Variants in KIF5C observed in about 807,000 individuals in gnomAD.
KIF5C encodes the protein kinesin family member 5C, also known as kinesin heavy chain isoform 5C.
A neutral mutation model predicts 125.2 loss-of-function variants in KIF5C; 18 were observed. That is an observed-to-expected ratio of 0.14 (90% CI 0.10 to 0.21). The LOEUF is 0.21. Ranked by LOEUF, KIF5C falls within the 10% of genes least tolerant of loss-of-function variation. The pLI is 1.00. For synonymous variants in KIF5C, 405 were observed against 434.0 expected (o/e 0.93, Z 0.83); for missense variants, 780 against 1,183.8 (o/e 0.66, Z 5.01).
intron 12 of KIF5C, among the ~76,000 whole-genome samples, chr2:148,978,622 T>C (rs1396429959): frequency 1.3e-5 from 2 of 152,208 alleles, no homozygotes; most frequent in Non-Finnish European, 2.9e-5. Context: ...GAGGGATATC[T>C]CTAACGTCCC....
At chr2:148,986,829 A>G (rs1321922046) in intron 15 of KIF5C, among the ~76,000 whole-genome samples, 3 of 152,172 alleles carry the variant, frequency 2.0e-5, no homozygotes, top group Non-Finnish European at 2.9e-5. Context: ...CCCCAGCTCA[A>G]TCATGTCTTG....
intron 1 of KIF5C, among the ~76,000 whole-genome samples, chr2:148,919,683 C>T (rs1376592099): frequency 1.3e-5 from 2 of 152,298 alleles, no homozygotes; most frequent in Middle Eastern, 3.4e-3. Context: ...GCTGGTACAG[C>T]TATGCCCCAA....
chr2:148,973,386 C>G lies in KIF5C; in HGVS notation c.1168C>G (p.Leu390Val). 1 of 1,613,770 alleles carries G rather than the reference C, an allele frequency of 6.2e-7. No homozygotes were observed. Among genetic ancestry groups the G allele is most frequent in the South Asian group, 1.1e-5 (1 of 91,058 alleles). ...GATCAGTGCCAAGGACCAGAAGAACCTGGAGCCTTGTGATAACACCCCCAT... is the reference window on the plus strand; with the variant it reads ...GATCAGTGCCAAGGACCAGAAGAACGTGGAGCCTTGTGATAACACCCCCAT... ...EQISAKDQKN[L>V]EPCDNTPIID... is the part of the protein sequence containing the mutation. Residue 390 changes from leucine (L) to valine (V), a missense_variant, in exon 12 of 26, where the codon CTG becomes GTG. Coordinates refer to ENST00000435030, the MANE Select transcript of KIF5C (RefSeq NM_004522.3).
chr2:148,921,917 T>A (rs1482525834), intron 1 of KIF5C, among the ~76,000 whole-genome samples: 1 of 150,360 alleles, frequency 6.7e-6, no homozygotes, highest in Non-Finnish European at 1.5e-5. Context: ...TCAATTTAAA[T>A]TTTTTTAAAA....
intron 10 of KIF5C, among the ~76,000 whole-genome samples, chr2:148,960,046 C>T (rs1358703180): frequency 6.6e-6 from 1 of 152,232 alleles, no homozygotes; most frequent in African/African-American, 2.4e-5. Context: ...TTGTTAAGCA[C>T]TCTTCAAATC....
intron 8 of KIF5C, among the ~76,000 whole-genome samples, chr2:148,949,393 A>T (rs1335502271): frequency 6.6e-6 from 1 of 152,156 alleles, no homozygotes; most frequent in Non-Finnish European, 1.5e-5. Flanking sequence ...CATCTGCCTG[A>T]ACTTGGAGCC....
chr2:148,913,753 G>A (rs551854832), intron 1 of KIF5C, among the ~76,000 whole-genome samples: 292 of 152,314 alleles, frequency 1.9e-3, no homozygotes, highest in Non-Finnish European at 3.4e-3. Context: ...CCAGGGCGGT[G>A]TACCCCAGAG....
intron 1 of KIF5C, among the ~76,000 whole-genome samples, chr2:148,899,702 CAAAAAAAAAAAAA>C (rs771196518): frequency 2.2e-5 from 1 of 46,072 alleles, no homozygotes; most frequent in Non-Finnish European, 4.7e-5. Context: ...AACTCCATCT[CAAAAAAAAAAAAA>C]AAAAAAAAAA....
intron 18 of KIF5C, 116 bp from the exon 19 acceptor site, chr2:148,998,284 T>C (rs1219604192): frequency 6.8e-7 from 1 of 1,471,338 alleles, no homozygotes; most frequent in East Asian, 2.5e-5. Flanking sequence ...CCCCCAGTTT[T>C]GGGATCTGAC....
chr2:148,926,814 G>C (rs1273125847), intron 2 of KIF5C, among the ~76,000 whole-genome samples: 1 of 152,218 alleles, frequency 6.6e-6, no homozygotes, highest in Non-Finnish European at 1.5e-5. Context: ...GGAGCCGATA[G>C]AGGGCGACGT....
chr2:148,930,929 C>A (rs1394687698), intron 3 of KIF5C, among the ~76,000 whole-genome samples: 1 of 152,236 alleles, frequency 6.6e-6, no homozygotes, highest in East Asian at 1.9e-4. Flanking sequence ...CTCGCCTTTC[C>A]CTCTCTTACT....
At chr2:149,021,014 A>C (rs1682518836) in intron 25 of KIF5C, among the ~76,000 whole-genome samples, 1 of 152,178 alleles carries the variant, frequency 6.6e-6, no homozygotes, top group Non-Finnish European at 1.5e-5. Context: ...TGATTATACC[A>C]AATGAGTTCT....
intron 25 of KIF5C, among the ~76,000 whole-genome samples, chr2:149,015,428 A>G (rs4076262): frequency 0.046 from 6,955 of 152,260 alleles, 404 homozygotes; most frequent in African/African-American, 0.13. Context: ...TTCATTCTGA[A>G]GTATCTCTTC....
At chr2:148,997,639 G>A (rs761576151) in intron 18 of KIF5C, 143 of 373,160 alleles carry the variant, frequency 3.8e-4, no homozygotes, top group Non-Finnish European at 6.3e-4. Context: ...CTCTTTTGTC[G>A]GAGTTAACTT....
At chr2:148,877,332 T>C (rs1269503742) in intron 1 of KIF5C, 1 of 152,286 alleles carries the variant, frequency 6.6e-6, no homozygotes, top group Non-Finnish European at 1.5e-5. Flanking sequence ...GCGATCATTC[T>C]GCGAGCTGAC....
chr2:148,993,414 A>G (rs1479636905), intron 16 of KIF5C, among the ~76,000 whole-genome samples: 1 of 152,228 alleles, frequency 6.6e-6, no homozygotes, highest in Non-Finnish European at 1.5e-5. Flanking sequence ...GCTACAATTC[A>G]TGCATAGCAA....
intron 21 of KIF5C, among the ~76,000 whole-genome samples, chr2:149,003,482 A>C (rs968459554): frequency 6.6e-6 from 1 of 152,206 alleles, no homozygotes; most frequent in Non-Finnish European, 1.5e-5. Flanking sequence ...TGAGACTTGT[A>C]TTCCCTCCTT....
rs78557634 is a variant in KIF5C, at chr2:148,941,319, G to T, written c.397-291G>T. ...GTGCTTGGTGCTCATCTAACTTAAA[G>T]CCTAGAGTCCTCCTGTAAGTGTCTA... On this transcript the variant is annotated intron_variant, in intron 4 of 25. Transcript: ENST00000435030. 5.0e-3 allele frequency among the ~76,000 whole-genome samples: 755 copies of T among 152,300 alleles called. 3 individuals are homozygous for T. The highest frequency in any genetic ancestry group is 8.5e-3 in the Non-Finnish European group (578 of 68,020).
intron 25 of KIF5C, 26 bp downstream of exon 25, chr2:149,011,709 C>A (rs756580749): frequency 6.2e-7 from 1 of 1,613,718 alleles, no homozygotes; most frequent in Non-Finnish European, 8.5e-7. Flanking sequence ...AGGGTGGTTT[C>A]TCTATCTGGA....
Sources: gnomAD v4.1 joint callset for allele counts (sites outside exome capture counted in the v4.1 genomes callset) on GRCh38, gnomAD v4.1.1 for gene constraint, MANE v1.5 for transcripts, NCBI Gene and HGNC (gene_info 2026-07-23, HGNC 2026-07-21) for gene names.